HDAC2: variants seen among roughly 807,000 people sequenced by gnomAD.
HDAC2 encodes YY1-associated factor 1.
A neutral mutation model predicts 68.5 loss-of-function variants in HDAC2; 5 were observed. The ratio of observed to expected loss-of-function variants is 0.07; its 90% CI spans 0.04 to 0.15. The LOEUF is 0.15. Among genes scored for constraint, HDAC2 ranks in the 10% least tolerant of loss-of-function variants. HDAC2 has a pLI of 1.00. For synonymous variants in HDAC2, 182 were observed against 191.3 expected, an observed-to-expected ratio of 0.95 and a Z score of 0.40; for missense variants, 291 against 600.8, an observed-to-expected ratio of 0.48 and a Z score of 5.39.
At chr6:113,944,526 A>G (rs993235435) in intron 10 of HDAC2, 116 bp from the exon 11 acceptor site, 1 of 809,466 alleles carries the variant, frequency 1.2e-6, no homozygotes, top group South Asian at 1.7e-5. Flanking sequence ...CCTATATATT[A>G]AAAGGTCTCT....
In HDAC2 at chr6:113,938,799, C is replaced by T. The variant is rs1776062666; in HGVS notation, c.*2259G>A. 1 of 152,108 alleles carries T rather than the reference C, an allele frequency of 6.6e-6. No homozygotes were observed. The highest frequency in any genetic ancestry group is 2.1e-4 in the South Asian group (1 of 4,830). 9.4% of individuals were successfully genotyped at this position (152,108 alleles called of 1,614,324 possible). On this transcript the variant is annotated 3_prime_UTR_variant, in exon 14 of 14. Coordinates refer to ENST00000519065, the MANE Select transcript of HDAC2 (RefSeq NM_001527.4). ...TGGGGGTCTTTGTTCTTCCAACAGA[C>T]TTGGTCACTAAGTGTTACTGATTTC...
Position 113,939,757 on chromosome 6 carries a change from C to T in HDAC2, c.*1301G>A, listed in dbSNP as rs1776088090. Reference sequence around the variant, plus strand: ...ATTTCGGTGTATTTTAAGAAAAAAACACCGAAGCAAATATAGCAAAAGTAA... The same window carrying T: ...ATTTCGGTGTATTTTAAGAAAAAAATACCGAAGCAAATATAGCAAAAGTAA... On this transcript the variant is annotated 3_prime_UTR_variant, in exon 14 of 14. Coordinates refer to ENST00000519065, the MANE Select transcript of HDAC2 (RefSeq NM_001527.4). The T allele has an allele frequency of 6.6e-6, 1 of 152,018 alleles. No individual in the cohort carries two copies. Among genetic ancestry groups the T allele is most frequent in the African/African-American group, 2.4e-5 (1 of 41,380 alleles). 9.4% of individuals were successfully genotyped at this position (152,018 alleles called of 1,614,324 possible). A position where few individuals can be genotyped will look rare whatever the true frequency, so the allele number is the denominator to read the frequency against.
At chr6:113,945,881 A>G in intron 9 of HDAC2, 127 bp downstream of exon 9, 3 of 755,192 alleles carry the variant, frequency 4.0e-6, no homozygotes, top group Non-Finnish European at 6.7e-6. Flanking sequence ...TAAGTGTATT[A>G]TATCCATTTT....
At position 113,954,779 on chromosome 6, in the gene HDAC2, A is replaced by G. The variant is rs977772406; in HGVS notation, c.497+1234T>C. ...TGGATAGCATGCATGGAATAACTAC[A>G]AGCAAAAAACACTAGCTCAGTATAA... On this transcript the variant is annotated intron_variant, in intron 5 of 13. Coordinates refer to ENST00000519065, the MANE Select transcript of HDAC2 (RefSeq NM_001527.4). Among the ~76,000 whole-genome samples, 14 of 152,232 alleles carry G rather than the reference A, an allele frequency of 9.2e-5. 1 individual carries two copies. Among genetic ancestry groups the G allele is most frequent in the Non-Finnish European group, 1.3e-4 (9 of 68,042 alleles).
rs1451811112 is a variant in HDAC2 at position 113,956,731 on chromosome 6, G to A, written c.284-38C>T. 7 of 1,417,702 alleles carry A rather than the reference G, an allele frequency of 4.9e-6. No homozygotes were observed. In the South Asian group the frequency reaches 7.0e-5, roughly 14 times the overall value. The allele number at this position is 1,417,702 out of a possible 1,614,324, so 87.8% of individuals were successfully genotyped here. On this transcript the variant is annotated intron_variant, in intron 3 of 13. Transcript: ENST00000519065. Reference sequence around the variant, plus strand: ...GATTTCATTAATTTCAACACATTCTGCAAATTAATGAAAGCCTTTTCTTAC... The same window carrying A: ...GATTTCATTAATTTCAACACATTCTACAAATTAATGAAAGCCTTTTCTTAC...
rs1776610542 is a variant in HDAC2, at chr6:113,958,669, T to C, written c.263A>G (p.Tyr88Cys). 4 of 1,549,512 alleles carry C rather than the reference T, an allele frequency of 2.6e-6. No individual in the cohort carries two copies. Among genetic ancestry groups the C allele is most frequent in the Non-Finnish European group, 3.6e-6 (4 of 1,125,522 alleles). Residue 88 changes from tyrosine (Y) to cysteine (C), a missense_variant, in exon 3 of 14, where the codon TAT becomes TGT. Coordinates refer to ENST00000519065, the MANE Select transcript of HDAC2 (RefSeq NM_001527.4). ...RSIRPDNMSE[Y>C]SKQMQRFNVG... ...CGTACATCTCTGCATCTGCTTACTATACTCAGACATGTTATCTGGTCTTAT... is the reference window on the plus strand; with the variant it reads ...CGTACATCTCTGCATCTGCTTACTACACTCAGACATGTTATCTGGTCTTAT...
rs1209159137 is a variant in HDAC2, at chr6:113,946,105, T to C, written c.885A>G (p.Pro295=). Residue 295 remains proline (P), a synonymous_variant, in exon 9 of 14, where the codon CCA becomes CCG. Transcript: ENST00000519065. ...AGCCACCTCCTCCAAGCATCAGTAATGGTAAGTTAAAAGTTTTTACAACTT... is the reference window on the plus strand; with the variant it reads ...AGCCACCTCCTCCAAGCATCAGTAACGGTAAGTTAAAAGTTTTTACAACTT... ...CVEVVKTFNL[P]LLMLGGGGYT... is the part of the protein sequence containing the mutation. The C allele has an allele frequency of 1.2e-6, 2 of 1,613,330 alleles. No homozygotes were observed. Among genetic ancestry groups the C allele is most frequent in the South Asian group, 2.2e-5 (2 of 91,068 alleles).
chr6:113,970,700 G>C (rs550056338), intron 1 of HDAC2, 157 bp downstream of exon 1: 2 of 1,387,406 alleles, frequency 1.4e-6, no homozygotes, highest in South Asian at 3.2e-5. Context: ...AGAGGGTCTC[G>C]TTCTAACTGT....
intron 1 of HDAC2, among the ~76,000 whole-genome samples, chr6:113,966,298 C>A (rs370664329): frequency 3.3e-5 from 5 of 152,114 alleles, no homozygotes; most frequent in African/African-American, 1.2e-4. Context: ...GCCTGTAATC[C>A]CAGCACTTAG....
chr6:113,943,710 A>G (rs1042402513), intron 11 of HDAC2, among the ~76,000 whole-genome samples: 2 of 152,230 alleles, frequency 1.3e-5, no homozygotes, highest in Non-Finnish European at 2.9e-5. Context: ...AAATGGCTCA[A>G]AAACACATAA....
At position 113,970,575 on chromosome 6, in the gene HDAC2, C is replaced by A. The variant is rs372971563; in HGVS notation, c.52+282G>T. Reference sequence around the variant, plus strand: ...AGGCGGGGTAGGCCGGCGCCGTCCCCAGCGGCGGCCACCTTCGAGGCTGCG... The same window carrying A: ...AGGCGGGGTAGGCCGGCGCCGTCCCAAGCGGCGGCCACCTTCGAGGCTGCG... On this transcript the variant is annotated intron_variant, in intron 1 of 13. Transcript: ENST00000519065. 30 of 1,260,988 alleles carry A rather than the reference C, an allele frequency of 2.4e-5. No homozygotes were observed. The East Asian group carries it at 6.5e-4, about 27-fold the overall frequency. The allele number at this position is 1,260,988 out of a possible 1,614,324, so 78.1% of individuals were successfully genotyped here.
intron 3 of HDAC2, chr6:113,958,440 A>T (rs1384113524): frequency 2.4e-6 from 1 of 417,170 alleles, no homozygotes; most frequent in Non-Finnish European, 4.2e-6. Context: ...AAGAATACCC[A>T]AACAGCAGTT....
rs1305262204 is a variant in HDAC2 at position 113,938,051 on chromosome 6, G to A, written c.*3007C>T. 2 of 152,198 alleles carry A rather than the reference G, an allele frequency of 1.3e-5. No homozygotes were observed. Among genetic ancestry groups the A allele is most frequent in the East Asian group, 1.9e-4 (1 of 5,170 alleles). 9.4% of individuals were successfully genotyped at this position (152,198 alleles called of 1,614,324 possible). ...AATCCCAGCTACTCAGGAGGCTGAG[G>A]CAGGAGAATGGCTTCAACCTGGGAG... On this transcript the variant is annotated 3_prime_UTR_variant, in exon 14 of 14. Coordinates refer to ENST00000519065, the MANE Select transcript of HDAC2 (RefSeq NM_001527.4).
intron 5 of HDAC2, among the ~76,000 whole-genome samples, chr6:113,955,138 C>T (rs908560630): frequency 1.3e-5 from 2 of 152,028 alleles, no homozygotes; most frequent in African/African-American, 4.8e-5. Context: ...CTAGTTGAAA[C>T]TAACTAAAAT....
rs759717957 is a variant in HDAC2, at chr6:113,949,145, A to G, written c.732+23T>C. The G allele has an allele frequency of 3.1e-6, 5 of 1,605,966 alleles. No individual in the cohort carries two copies. In the Admixed American group the frequency reaches 8.3e-5, roughly 27 times the overall value. ...AATAACATTCTGAAATTCCATTCCA[A>G]TTGTGAAAACAATAATACTTACAGG... On this transcript the variant is annotated intron_variant, in intron 7 of 13. Coordinates refer to ENST00000519065, the MANE Select transcript of HDAC2 (RefSeq NM_001527.4).
intron 6 of HDAC2, among the ~76,000 whole-genome samples, chr6:113,951,191 G>A (rs1190744940): frequency 6.6e-6 from 1 of 152,154 alleles, no homozygotes; most frequent in African/African-American, 2.4e-5. Context: ...CTGCTACTAT[G>A]CCACCTTTCT....
At chr6:113,946,256 T>G (rs1266914148) in intron 8 of HDAC2, 108 bp from the exon 9 acceptor site, 4 of 797,512 alleles carry the variant, frequency 5.0e-6, no homozygotes, top group Non-Finnish European at 7.7e-6. Flanking sequence ...AAAATGGGTT[T>G]TCTAAATATT....
At chr6:113,956,927 TTCTG>T (rs2114609096) in intron 3 of HDAC2, 1 of 419,784 alleles carries the variant, frequency 2.4e-6, no homozygotes, top group Non-Finnish European at 4.3e-6. Flanking sequence ...TGTGGAATAT[TTCTG>T]TCTATTAACA....
intron 12 of HDAC2, among the ~76,000 whole-genome samples, chr6:113,942,513 C>T (rs1192636533): frequency 6.6e-6 from 1 of 150,608 alleles, no homozygotes; most frequent in African/African-American, 2.4e-5. Context: ...ATCTCTAAAT[C>T]AGTTTTTCAC....
Sources: allele counts gnomAD v4.1 joint callset (sites outside exome capture counted in the v4.1 genomes callset), GRCh38; gene constraint gnomAD v4.1.1; transcripts MANE v1.5; gene names NCBI Gene and HGNC (gene_info 2026-07-23, HGNC 2026-07-21).